The following HEPHL1 variants were observed in gnomAD, a reference collection of about 807,000 sequenced individuals.
HEPHL1 encodes ferroxidase HEPHL1.
In HEPHL1, 123 loss-of-function variants were observed where a neutral mutation model predicts 122.0. The ratio of observed to expected loss-of-function variants is 1.01; its 90% CI spans 0.87 to 1.17. The LOEUF (loss-of-function observed/expected upper bound fraction) is 1.17, where lower values mean the gene tolerates loss of function less well. Ranked by LOEUF, HEPHL1 falls within the 50% of genes most tolerant of loss-of-function variation. HEPHL1 has a pLI of 0.00. For missense variants in HEPHL1, 1,452 were observed against 1,430.5 expected (o/e 1.01, Z -0.24); for synonymous variants, 527 against 508.9 (o/e 1.04, Z -0.48).
Position 94,110,972 on chromosome 11 carries a change from G to T in HEPHL1, c.3115G>T (p.Ala1039Ser), listed in dbSNP as rs772020804. The T allele has an allele frequency of 6.2e-7, 1 of 1,612,638 alleles. No homozygotes were observed. Among genetic ancestry groups the T allele is most frequent in the South Asian group, 1.1e-5 (1 of 90,694 alleles). Residue 1039 changes from alanine (A) to serine (S), a missense_variant, in exon 18 of 20, where the codon GCA (alanine) becomes TCA (serine). By Grantham distance (99) the Ala-to-Ser change is moderately conservative. Transcript: ENST00000315765. ...GACATTCCAAACCATTGAACTGTTTGCAGATCACCCAGGGACATGGCTGCT... is the reference window on the plus strand; with the variant it reads ...GACATTCCAAACCATTGAACTGTTTTCAGATCACCCAGGGACATGGCTGCT... The part of the protein sequence containing the change: ...PGTFQTIELF[A>S]DHPGTWLLHC...
intron 7 of HEPHL1, 35 bp downstream of exon 7, chr11:94,073,199 G>A: frequency 1.2e-6 from 2 of 1,611,588 alleles, no homozygotes; most frequent in Non-Finnish European, 1.7e-6. Context: ...ATTGAACCCA[G>A]GGAGATGTTT....
At chr11:94,069,889 G>A (rs999434680) in intron 5 of HEPHL1, among the ~76,000 whole-genome samples, 5 of 151,978 alleles carry the variant, frequency 3.3e-5, no homozygotes, top group Admixed American at 1.3e-4. Flanking sequence ...TTCTCTTTTG[G>A]AAATTGTTAT....
intron 6 of HEPHL1, among the ~76,000 whole-genome samples, chr11:94,070,844 G>T (rs948018023): frequency 2.0e-5 from 3 of 152,048 alleles, no homozygotes; most frequent in Admixed American, 1.3e-4. Flanking sequence ...GAAATACTAA[G>T]CTGACAAAGA....
At position 94,021,446 on chromosome 11, in the gene HEPHL1, C is replaced by T. The variant is rs767854088; in HGVS notation, c.78C>T (p.Thr26=). 6.2e-7 allele frequency: 1 copy of T among 1,613,310 alleles called. No homozygotes were observed. Among genetic ancestry groups the T allele is most frequent in the Non-Finnish European group, 8.5e-7 (1 of 1,179,346 alleles). Residue 26 remains threonine (T), a synonymous_variant, in exon 1 of 20, where the codon ACC becomes ACT. Transcript: ENST00000315765. ...LGLSGLVGTV[T]RTYYIGIVEE... ...TGTCTGGGCTGGTTGGCACAGTTAC[C>T]AGAACGTACTACATTGGGATTGTGG... is the stretch of plus-strand genomic sequence containing the variant.
intron 1 of HEPHL1, among the ~76,000 whole-genome samples, chr11:94,030,835 C>T (rs1320242604): frequency 6.6e-6 from 1 of 152,170 alleles, no homozygotes; most frequent in Non-Finnish European, 1.5e-5. Context: ...CCTGGGTAGA[C>T]ACATGCAGGC....
At chr11:94,065,301 C>G (rs1946024439) in intron 4 of HEPHL1, among the ~76,000 whole-genome samples, 1 of 152,130 alleles carries the variant, frequency 6.6e-6, no homozygotes, top group Non-Finnish European at 1.5e-5. Context: ...GTCATAAAAT[C>G]ATAAGAGGAA....
At chr11:94,039,582 C>T (rs1462248300) in intron 1 of HEPHL1, among the ~76,000 whole-genome samples, 6 of 151,826 alleles carry the variant, frequency 4.0e-5, no homozygotes, top group African/African-American at 9.7e-5. Flanking sequence ...CAAAGCCGCT[C>T]AACTACATGG....
intron 2 of HEPHL1, among the ~76,000 whole-genome samples, chr11:94,061,549 T>C (rs950701136): frequency 2.6e-5 from 4 of 152,144 alleles, no homozygotes; most frequent in Non-Finnish European, 5.9e-5. Context: ...ACATAGTTTT[T>C]TTAAATGTCA....
intron 9 of HEPHL1, among the ~76,000 whole-genome samples, chr11:94,076,977 A>G (rs142823652): frequency 6.6e-6 from 1 of 152,168 alleles, no homozygotes; most frequent in African/African-American, 2.4e-5. Context: ...TTTTGGAAAT[A>G]ATCTGACTTA....
intron 1 of HEPHL1, among the ~76,000 whole-genome samples, chr11:94,031,896 G>A (rs1488757234): frequency 6.6e-6 from 1 of 152,242 alleles, no homozygotes; most frequent in Non-Finnish European, 1.5e-5. Flanking sequence ...ACTGAGGAGA[G>A]GAGAAAGTGG....
intron 1 of HEPHL1, among the ~76,000 whole-genome samples, chr11:94,037,593 C>G (rs538474993): frequency 1.3e-5 from 2 of 152,234 alleles, no homozygotes; most frequent in East Asian, 3.9e-4. Context: ...TGGGAGGCAC[C>G]CCCCCAACAG....
intron 15 of HEPHL1, among the ~76,000 whole-genome samples, chr11:94,103,900 A>G: frequency 6.6e-6 from 1 of 152,230 alleles, no homozygotes; most frequent in South Asian, 2.1e-4. Context: ...TTATTTATGC[A>G]TCACAACAAA....
At position 94,093,510 on chromosome 11, in the gene HEPHL1, T is replaced by C. The variant is rs1235901302; in HGVS notation, c.2304T>C (p.Asp768=). 1.2e-6 allele frequency: 2 copies of C among 1,613,484 alleles called. No homozygotes were observed. The highest frequency in any genetic ancestry group is 1.7e-5 in the Admixed American group (1 of 59,892). ...HVDARGERHG[D]IFMNRTENWI... is the part of the protein sequence containing the mutation. Reference sequence around the variant, plus strand: ...TGCTTCTGATTTGCAGACATGGAGATATATTTATGAACCGCACTGAAAATT... The same window carrying C: ...TGCTTCTGATTTGCAGACATGGAGACATATTTATGAACCGCACTGAAAATT... Residue 768 remains aspartate, a synonymous_variant, in exon 13 of 20, where the codon GAT becomes GAC. Transcript: ENST00000315765.
chr11:94,021,598 G>C (rs1016300068), intron 1 of HEPHL1, 60 bp downstream of exon 1: 2 of 1,327,692 alleles, frequency 1.5e-6, no homozygotes, highest in African/African-American at 1.5e-5. Flanking sequence ...ACTTTGTGTG[G>C]GGAAGGTTGT....
rs544189477 is a variant in HEPHL1, at chr11:94,093,187, G to A, written c.2295-314G>A. Among the ~76,000 whole-genome samples the A allele has an allele frequency of 9.9e-5, 15 of 151,898 alleles. 1 individual carries two copies. Among genetic ancestry groups the A allele is most frequent in the African/African-American group, 2.9e-4 (12 of 41,426 alleles). ...GGTTAGATGGTCCCAGAAGAGAGGC[G>A]CAACCTCAAAGGATACTTAGGAGTC... On this transcript the variant is annotated intron_variant, in intron 12 of 19. Coordinates refer to ENST00000315765, the MANE Select transcript of HEPHL1 (RefSeq NM_001098672.2).
At chr11:94,093,776 T>C (rs1036011912) in intron 13 of HEPHL1, 136 bp downstream of exon 13, 8 of 981,630 alleles carry the variant, frequency 8.1e-6, no homozygotes, top group African/African-American at 1.6e-5. Flanking sequence ...CCAAGTGTAA[T>C]ATCTTCCTGC....
At chr11:94,049,497 C>A (rs562407318) in intron 2 of HEPHL1, among the ~76,000 whole-genome samples, 1 of 151,740 alleles carries the variant, frequency 6.6e-6, no homozygotes, top group African/African-American at 2.4e-5. Flanking sequence ...CACTACTGGG[C>A]ATTTATCCAA....
intron 1 of HEPHL1, among the ~76,000 whole-genome samples, chr11:94,037,858 A>G (rs1388960717): frequency 1.3e-5 from 2 of 151,910 alleles, no homozygotes; most frequent in South Asian, 2.1e-4. Context: ...CAACGGAACA[A>G]AGCTGGATGG....
At chr11:94,084,677 G>C (rs1037699951) in intron 10 of HEPHL1, among the ~76,000 whole-genome samples, 6 of 152,144 alleles carry the variant, frequency 3.9e-5, no homozygotes, top group African/African-American at 1.4e-4. Flanking sequence ...TTCTCTACCA[G>C]CCAGCCAAGG....
Sources: allele counts gnomAD v4.1 joint callset (sites outside exome capture counted in the v4.1 genomes callset), GRCh38; gene constraint gnomAD v4.1.1; transcripts MANE v1.5; gene names NCBI Gene and HGNC (gene_info 2026-07-23, HGNC 2026-07-21).